COL6A5: variants seen among roughly 807,000 people sequenced by gnomAD.
The protein encoded by COL6A5 is collagen alpha-5(VI) chain.
In COL6A5, 48 loss-of-function variants were observed where a neutral mutation model predicts 65.6. The ratio of observed to expected loss-of-function variants is 0.73; its 90% CI spans 0.58 to 0.93. COL6A5 has a LOEUF of 0.93. Among genes scored for constraint, COL6A5 ranks in the 40% least tolerant of loss-of-function variants. The pLI is 0.00. For missense variants in COL6A5, 914 were observed against 928.3 expected (o/e 0.98, Z 0.20); for synonymous variants, 291 against 322.8 (o/e 0.90, Z 1.05).
At chr3:130,421,384 A>G in intron 27 of COL6A5, 24 bp downstream of exon 27, 1 of 1,549,220 alleles carries the variant, frequency 6.5e-7, no homozygotes, top group Non-Finnish European at 8.7e-7. Context: ...GACCTTTTGA[A>G]ATTACCATGA....
intron 5 of COL6A5, among the ~76,000 whole-genome samples, chr3:130,466,330 CTAAG>C (rs1481316442): frequency 1.3e-5 from 2 of 151,806 alleles, no homozygotes; most frequent in Non-Finnish European, 2.9e-5. Flanking sequence ...TGAAAACTCC[CTAAG>C]TATTTGGAAA....
At chr3:130,472,856 T>TATATATATATATATATATATAC in intron 7 of COL6A5, among the ~76,000 whole-genome samples, 1 of 143,376 alleles carries the variant, frequency 7.0e-6, no homozygotes, top group Non-Finnish European at 1.5e-5. Flanking sequence ...TATATATATA[T>TATATATATATATATATATATAC]ATACACATTT....
intron 5 of COL6A5, among the ~76,000 whole-genome samples, chr3:130,387,738 A>G (rs1484589414): frequency 6.6e-6 from 1 of 152,118 alleles, no homozygotes; most frequent in Non-Finnish European, 1.5e-5. Context: ...GATGGCAGAG[A>G]TTACAGATAG....
chr3:130,457,731 T>A (rs141627776), intron 5 of COL6A5, among the ~76,000 whole-genome samples: 1 of 152,236 alleles, frequency 6.6e-6, no homozygotes, highest in East Asian at 1.9e-4. Context: ...AGGAACTTCG[T>A]GCTATTCTCT....
chr3:130,415,398 A>G (rs1202737492), intron 22 of COL6A5, among the ~76,000 whole-genome samples: 20 of 151,888 alleles, frequency 1.3e-4, no homozygotes, highest in Non-Finnish European at 2.1e-4. Flanking sequence ...GCTTTGGCCT[A>G]TTTTTATTTC....
At position 130,347,888 on chromosome 3, in the gene COL6A5, A is replaced by G. The variant is rs544292237; in HGVS notation, c.-29+1907A>G. ...AAGTGCAAAGGAAGAGGAGTTGGGCACTGGGCAAAGTTGGGATCTAAGATA... is the reference window on the plus strand; with the variant it reads ...AAGTGCAAAGGAAGAGGAGTTGGGCGCTGGGCAAAGTTGGGATCTAAGATA... On this transcript the variant is annotated intron_variant and NMD_transcript_variant, in intron 1 of 41. Transcript: ENST00000312481. Among the ~76,000 whole-genome samples, 3 of 152,290 alleles carry G rather than the reference A, an allele frequency of 2.0e-5. No homozygotes were observed. The South Asian group carries it at 6.2e-4, about 32-fold the overall frequency.
intron 7 of COL6A5, among the ~76,000 whole-genome samples, chr3:130,473,037 A>G (rs894859975): frequency 3.3e-5 from 5 of 150,938 alleles, no homozygotes; most frequent in African/African-American, 1.2e-4. Context: ...AAAAATACAG[A>G]CAAAAAGAGA....
intron 1 of COL6A5, among the ~76,000 whole-genome samples, chr3:130,367,514 A>G (rs1935386394): frequency 6.6e-6 from 1 of 152,184 alleles, no homozygotes; most frequent in South Asian, 2.1e-4. Context: ...AGACGTAAAG[A>G]TGTATCAAAC....
At chr3:130,363,223 A>G (rs2107623674) in intron 1 of COL6A5, among the ~76,000 whole-genome samples, 1 of 152,318 alleles carries the variant, frequency 6.6e-6, no homozygotes, top group Non-Finnish European at 1.5e-5. Context: ...AACTAATCCA[A>G]GTATACTTTC....
At chr3:130,373,762 A>G (rs1178076763) in intron 2 of COL6A5, 57 bp downstream of exon 2, 5 of 1,006,112 alleles carry the variant, frequency 5.0e-6, no homozygotes, top group African/African-American at 3.3e-5. Context: ...ATCTCAGTAA[A>G]CTTTAATAAA....
chr3:130,381,027 G>C (rs1405052973), intron 4 of COL6A5, among the ~76,000 whole-genome samples: 2 of 151,968 alleles, frequency 1.3e-5, no homozygotes, highest in African/African-American at 4.8e-5. Flanking sequence ...AAGACAAAAG[G>C]GAAGAAAAAG....
chr3:130,412,676 T>G (rs981274700), intron 20 of COL6A5, among the ~76,000 whole-genome samples: 1 of 152,156 alleles, frequency 6.6e-6, no homozygotes, highest in Non-Finnish European at 1.5e-5. Flanking sequence ...GCTGAAAAGT[T>G]TCAATGGGTA....
chr3:130,456,224 A>C (rs1351828644), intron 5 of COL6A5, among the ~76,000 whole-genome samples: 2 of 152,074 alleles, frequency 1.3e-5, no homozygotes. Flanking sequence ...CTTGATGCCT[A>C]CTCTATACAT....
Position 130,415,612 on chromosome 3 carries a change from A to G in COL6A5, c.4762-33A>G, listed in dbSNP as rs114273986. On this transcript the variant is annotated intron_variant and NMD_transcript_variant, in intron 22 of 41. Coordinates refer to the COL6A5 transcript ENST00000312481. ...CTGAGAAGTAAGCTTTCATTGACAT[A>G]ATTGCATTGTATTTCCTTTGTTACC... 2,072 of 1,521,566 alleles carry G rather than the reference A, an allele frequency of 1.4e-3. 20 individuals carry two copies. The African/African-American group carries it at 0.027, about 20-fold the overall frequency. The allele number at this position is 1,521,566 out of a possible 1,614,324, so 94.3% of individuals were successfully genotyped here. A position where few individuals can be genotyped will look rare whatever the true frequency, so the allele number is the denominator to read the frequency against.
exon 3 of COL6A5, chr3:130,440,697 G>T (rs146634521): frequency 1.9e-6 from 3 of 1,613,448 alleles, no homozygotes; most frequent in Admixed American, 1.7e-5. Context: ...GGCTCTACAC[G>T]TAAGGATGAC....
chr3:130,409,300 T>G, intron 17 of COL6A5, 26 bp from the exon 18 acceptor site: 1 of 1,529,370 alleles, frequency 6.5e-7, no homozygotes, highest in Non-Finnish European at 8.8e-7. Context: ...ACAAGCTAAC[T>G]CAGAAATTCA....
At chr3:130,438,449 A>G (rs1709091140) in intron 1 of COL6A5, among the ~76,000 whole-genome samples, 1 of 152,168 alleles carries the variant, frequency 6.6e-6, no homozygotes, top group African/African-American at 2.4e-5. Context: ...GTTTACTCCT[A>G]TGAATAAACT....
At chr3:130,417,567 G>C (rs1173948581) in intron 24 of COL6A5, among the ~76,000 whole-genome samples, 1 of 152,122 alleles carries the variant, frequency 6.6e-6, no homozygotes, top group Non-Finnish European at 1.5e-5. Flanking sequence ...TTGCTGAGTT[G>C]AGTGGAGGAT....
chr3:130,470,720 T>C (rs940346449), intron 6 of COL6A5, 151 bp from the exon 39 acceptor site: 1 of 597,618 alleles, frequency 1.7e-6, no homozygotes, highest in Non-Finnish European at 3.0e-6. Context: ...GAACAAAGAA[T>C]TTCCATGTCA....
Sources: allele counts gnomAD v4.1 joint callset (sites outside exome capture counted in the v4.1 genomes callset), GRCh38; gene constraint gnomAD v4.1.1; transcripts MANE v1.5; gene names NCBI Gene and HGNC (gene_info 2026-07-23, HGNC 2026-07-21).